GPC1: variants seen among roughly 807,000 people sequenced by gnomAD.
The protein encoded by GPC1 is glypican 1.
GPC1 carries 26 observed loss-of-function variants against 51.5 expected under a neutral mutation model. The observed-to-expected ratio is 0.50, with a 90% CI of 0.37 to 0.70. The LOEUF (loss-of-function observed/expected upper bound fraction) is 0.70. Among genes scored for constraint, GPC1 ranks in the 30% least tolerant of loss-of-function variants. The pLI is 0.00. For synonymous variants in GPC1, 380 were observed against 348.3 expected (o/e 1.09, Z -1.01); for missense variants, 775 against 800.5 (o/e 0.97, Z 0.38).
chr2:240,466,659 T>G lies in GPC1; in HGVS notation c.*369T>G. On this transcript the variant is annotated 3_prime_UTR_variant, in exon 9 of 9. Coordinates refer to ENST00000264039, the MANE Select transcript of GPC1 (RefSeq NM_002081.3). ...AACCCGCTGGAGCCCACAGCGAGCCTGTGCCTTCCTCCCCGCCTCCTCCCA... is the reference window on the plus strand; with the variant it reads ...AACCCGCTGGAGCCCACAGCGAGCCGGTGCCTTCCTCCCCGCCTCCTCCCA... 1 of 207,238 alleles carries G rather than the reference T, an allele frequency of 4.8e-6. No individual in the cohort carries two copies. Among genetic ancestry groups the G allele is most frequent in the East Asian group, 1.1e-4 (1 of 8,906 alleles). The allele number at this position is 207,238 out of a possible 1,614,324, so 12.8% of individuals were successfully genotyped here.
At chr2:240,456,593 T>G in intron 1 of GPC1, 1 of 470,618 alleles carries the variant, frequency 2.1e-6, no homozygotes, top group South Asian at 1.5e-5. Context: ...GCCCAGCCCA[T>G]TACCATCATG....
Position 240,462,473 on chromosome 2 carries a change from G to C in GPC1, c.608G>C (p.Gly203Ala), listed in dbSNP as rs766094729. The C allele has an allele frequency of 4.9e-5, 78 of 1,603,486 alleles. No individual in the cohort carries two copies. The highest frequency in any genetic ancestry group is 6.3e-5 in the Non-Finnish European group (74 of 1,176,830). Residue 203 changes from glycine (G) to alanine (A), a missense_variant, in exon 3 of 9, where the codon GGG becomes GCG. Physicochemically the swap from Gly to Ala is moderately conservative, Grantham distance 60. Coordinates refer to ENST00000264039, the MANE Select transcript of GPC1 (RefSeq NM_002081.3). Reference sequence around the variant, plus strand: ...CAGGCCGAGGCGCTGCGGCCCTTCGGGGAGGCCCCGAGAGAGCTGCGCCTG... The same window carrying C: ...CAGGCCGAGGCGCTGCGGCCCTTCGCGGAGGCCCCGAGAGAGCTGCGCCTG... ...GKQAEALRPF[G>A]EAPRELRLRA...
At chr2:240,439,820 C>T (rs1480860508) in intron 1 of GPC1, among the ~76,000 whole-genome samples, 2 of 152,228 alleles carry the variant, frequency 1.3e-5, no homozygotes, top group Non-Finnish European at 2.9e-5. Context: ...AGGTGGTCCT[C>T]AGCCTTTGCT....
chr2:240,448,912 G>A lies in GPC1; in HGVS notation c.167-10118G>A, dbSNP rs1354640973. Among the ~76,000 whole-genome samples the A allele has an allele frequency of 6.6e-6, 1 of 152,082 alleles. No homozygotes were observed. The highest frequency in any genetic ancestry group is 1.5e-5 in the Non-Finnish European group (1 of 67,992). On this transcript the variant is annotated intron_variant, in intron 1 of 8. Coordinates refer to ENST00000264039, the MANE Select transcript of GPC1 (RefSeq NM_002081.3). This position sits in a 1 kb window ranked among gnomAD's most constrained non-coding sequence, Gnocchi z 4.5. Reference sequence around the variant, plus strand: ...GGCCTAATCTCCATACCTGGGCTCGGGGTGCCCAGGTATCAAGCCTGGGCT... The same window carrying A: ...GGCCTAATCTCCATACCTGGGCTCGAGGTGCCCAGGTATCAAGCCTGGGCT...
intron 3 of GPC1, among the ~76,000 whole-genome samples, chr2:240,463,112 C>T (rs565312323): frequency 2.6e-5 from 4 of 151,258 alleles, no homozygotes; most frequent in South Asian, 4.2e-4. Flanking sequence ...GTTTCCTCAG[C>T]GGCATGCGGG....
intron 1 of GPC1, among the ~76,000 whole-genome samples, chr2:240,445,390 G>A (rs2074042709): frequency 6.6e-6 from 1 of 152,152 alleles, no homozygotes; most frequent in African/African-American, 2.4e-5. Flanking sequence ...TAGTGGGTGG[G>A]GCCAGGGAGC....
rs1231618344 is a variant in GPC1, at chr2:240,465,661, C to A, written c.1444+13C>A. On this transcript the variant is annotated intron_variant, in intron 8 of 8. Coordinates refer to ENST00000264039, the MANE Select transcript of GPC1 (RefSeq NM_002081.3). ...TTCCAGGACGCCAGTGAGGGCAGGGCCTGGCCGGGCGGCCAAGGGGCCAGG... is the reference window on the plus strand; with the variant it reads ...TTCCAGGACGCCAGTGAGGGCAGGGACTGGCCGGGCGGCCAAGGGGCCAGG... 2 of 1,610,662 alleles carry A rather than the reference C, an allele frequency of 1.2e-6. No homozygotes were observed. Among genetic ancestry groups the A allele is most frequent in the South Asian group, 2.2e-5 (2 of 90,956 alleles).
In GPC1 at chr2:240,462,466, C is replaced by T. The variant is rs573255400; in HGVS notation, c.601C>T (p.Pro201Ser). Residue 201 changes from proline to serine, a missense_variant, in exon 3 of 9, where the codon CCC (proline) becomes TCC (serine). Physicochemically the swap from Pro to Ser is moderately conservative, Grantham distance 74. Transcript: ENST00000264039. ...GGGCAAGCAGGCCGAGGCGCTGCGG[C>T]CCTTCGGGGAGGCCCCGAGAGAGCT... is the stretch of plus-strand genomic sequence containing the variant. ...CLGKQAEALR[P>S]FGEAPRELRL... 1.2e-6 allele frequency: 2 copies of T among 1,604,400 alleles called. No individual in the cohort carries two copies. The highest frequency in any genetic ancestry group is 1.7e-6 in the Non-Finnish European group (2 of 1,176,872).
At chr2:240,465,447 C>A (rs773028236) in intron 7 of GPC1, 26 bp from the exon 8 acceptor site, 3 of 1,609,484 alleles carry the variant, frequency 1.9e-6, no homozygotes, top group Non-Finnish European at 2.5e-6. Context: ...GAGCAGTGAC[C>A]TGGGCTCTGC....
At chr2:240,449,125 C>T (rs1300555777) in intron 1 of GPC1, among the ~76,000 whole-genome samples, 1 of 152,186 alleles carries the variant, frequency 6.6e-6, no homozygotes, top group Non-Finnish European at 1.5e-5. Flanking sequence ...TCAGGAGAGA[C>T]CCACTGCTCT....
chr2:240,459,247 C>A lies in GPC1; in HGVS notation c.325+59C>A. The A allele has an allele frequency of 4.0e-6, 6 of 1,486,556 alleles. No individual in the cohort carries two copies. The South Asian group carries it at 4.8e-5, about 12-fold the overall frequency. 92.1% of individuals were successfully genotyped at this position (1,486,556 alleles called of 1,614,324 possible). The stretch of plus-strand genomic sequence containing the variant: ...GGGTGCCGGTGCATCGGGGGAGGGG[C>A]ACACTGGGCCTTGCCTGGTGTGTCA... On this transcript the variant is annotated intron_variant, in intron 2 of 8. Transcript: ENST00000264039.
intron 2 of GPC1, among the ~76,000 whole-genome samples, chr2:240,461,709 G>T (rs1020452595): frequency 2.6e-5 from 4 of 152,152 alleles, no homozygotes; most frequent in Admixed American, 2.0e-4. Context: ...TGGCGGGAGG[G>T]GCAGCAGCCC....
intron 4 of GPC1, chr2:240,464,340 C>CA: frequency 2.2e-6 from 1 of 461,874 alleles, no homozygotes. Flanking sequence ...ACATACGAGA[C>CA]ACGGCAGGCC....
chr2:240,464,621 A>G lies in GPC1; in HGVS notation c.889A>G (p.Met297Val), dbSNP rs747074689. 3.7e-6 allele frequency: 6 copies of G among 1,605,472 alleles called. No individual in the cohort carries two copies. The highest frequency in any genetic ancestry group is 2.6e-6 in the Non-Finnish European group (3 of 1,176,282). ...DAEWRNLLDS[M>V]VLITDKFWGT... ...CGTGTTAACGCCTGTCCTAGACTCC[A>G]TGGTGCTCATCACCGACAAGTTCTG... Residue 297 changes from methionine (M) to valine (V), a missense_variant, in exon 5 of 9, where the codon ATG (methionine) becomes GTG (valine). Transcript: ENST00000264039.
At chr2:240,458,081 C>T (rs1270805931) in intron 1 of GPC1, 4 of 470,756 alleles carry the variant, frequency 8.5e-6, no homozygotes, top group South Asian at 3.1e-5. Context: ...GAACCACTTG[C>T]CCCCTCACTG....
intron 1 of GPC1, chr2:240,458,216 C>G: frequency 5.1e-6 from 2 of 395,394 alleles, no homozygotes; most frequent in Admixed American, 5.2e-5. Flanking sequence ...CCTGATGCCA[C>G]ACACCCATTC....
intron 8 of GPC1, 24 bp from the exon 9 acceptor site, chr2:240,466,034 G>C: frequency 6.6e-7 from 1 of 1,524,668 alleles, no homozygotes; most frequent in Non-Finnish European, 9.1e-7. Flanking sequence ...GGACCTGCCT[G>C]CCGGAGCCTC....
At chr2:240,453,879 C>T (rs891507035) in intron 1 of GPC1, among the ~76,000 whole-genome samples, 1 of 152,148 alleles carries the variant, frequency 6.6e-6, no homozygotes, top group Admixed American at 6.5e-5. Context: ...GCCGGTTTCA[C>T]GCCTGTCGCC....
chr2:240,456,165 G>T (rs1403074900), intron 1 of GPC1: 8 of 261,710 alleles, frequency 3.1e-5, no homozygotes. Context: ...GCTGAGGCGC[G>T]GGGGCCGGTG....
Sources: gnomAD v4.1 joint callset for allele counts (sites outside exome capture counted in the v4.1 genomes callset) on GRCh38, gnomAD v4.1.1 for gene constraint, Gnocchi (gnomAD v3.1) non-coding constraint, MANE v1.5 for transcripts, NCBI Gene and HGNC (gene_info 2026-07-23, HGNC 2026-07-21) for gene names.